Variants in SAMD4A observed in about 807,000 individuals in gnomAD.
SAMD4A encodes the protein sterile alpha motif domain containing 4A, also known as protein Smaug homolog 1.
SAMD4A carries 33 observed loss-of-function variants against 81.3 expected under a neutral mutation model. The observed-to-expected ratio is 0.41, with a 90% confidence interval of 0.31 to 0.54. The LOEUF (loss-of-function observed/expected upper bound fraction) is 0.54. SAMD4A is among the 20% of genes least tolerant of loss of function. SAMD4A has a pLI of 0.37. For synonymous variants in SAMD4A, 389 were observed against 382.1 expected, an observed-to-expected ratio of 1.02 and a Z score of -0.21; for missense variants, 854 against 951.1, an observed-to-expected ratio of 0.90 and a Z score of 1.34.
intron 4 of SAMD4A, among the ~76,000 whole-genome samples, chr14:54,748,037 C>T (rs2038009405): frequency 6.6e-6 from 1 of 152,210 alleles, no homozygotes; most frequent in African/African-American, 2.4e-5. Flanking sequence ...TTTAGAACTT[C>T]CATTATCCTA....
intron 2 of SAMD4A, among the ~76,000 whole-genome samples, chr14:54,686,365 T>A (rs535818555): frequency 1.2e-4 from 18 of 152,286 alleles, no homozygotes; most frequent in African/African-American, 4.1e-4. Flanking sequence ...CAAGTTTAAT[T>A]GTGGGTGATT....
Position 54,621,562 on chromosome 14 carries a change from A to G in SAMD4A, c.196+53450A>G, listed in dbSNP as rs565678034. Among the ~76,000 whole-genome samples the G allele has an allele frequency of 4.7e-5, 7 of 149,988 alleles. 1 individual carries two copies. The highest frequency in any genetic ancestry group is 1.7e-4 in the African/African-American group (7 of 40,652). On this transcript the variant is annotated intron_variant, in intron 2 of 12. Coordinates refer to ENST00000554335, the MANE Select transcript of SAMD4A (RefSeq NM_015589.6). ...TTTTTAGTAGAGACAGGGTCTCACC[A>G]TGTTGCCCAGGCTAGTCTCGAACTT...
chr14:54,642,158 A>G (rs2035189477), intron 2 of SAMD4A, among the ~76,000 whole-genome samples: 1 of 152,184 alleles, frequency 6.6e-6, no homozygotes, highest in Non-Finnish European at 1.5e-5. Flanking sequence ...TCTCACTAAG[A>G]TGCTTATGTC....
intron 2 of SAMD4A, among the ~76,000 whole-genome samples, chr14:54,669,117 G>A (rs1195194562): frequency 6.6e-6 from 1 of 152,218 alleles, no homozygotes; most frequent in African/African-American, 2.4e-5. Context: ...CAGCCACAGG[G>A]CTGTGGAGTC....
chr14:54,567,157 G>A lies in SAMD4A; in HGVS notation c.-603G>A, dbSNP rs1295318409. ...CCGCATTGCAAGTTTTCTGCGCGGGGAAGATCTGTTGCTGGTGCTGGCGTT... is the reference window on the plus strand; with the variant it reads ...CCGCATTGCAAGTTTTCTGCGCGGGAAAGATCTGTTGCTGGTGCTGGCGTT... On this transcript the variant is annotated 5_prime_UTR_variant, in exon 1 of 13. Coordinates refer to ENST00000554335, the MANE Select transcript of SAMD4A (RefSeq NM_015589.6). The A allele has an allele frequency of 6.6e-6, 1 of 152,322 alleles. No homozygotes were observed. Among genetic ancestry groups the A allele is most frequent in the Non-Finnish European group, 1.5e-5 (1 of 68,112 alleles). The allele number at this position is 152,322 out of a possible 1,614,324, so 9.4% of individuals were successfully genotyped here.
Position 54,751,483 on chromosome 14 carries a change from C to A in SAMD4A, c.1122C>A (p.Val374=). Residue 374 remains valine, a synonymous_variant, in exon 6 of 13, where the codon GTC becomes GTA. Coordinates refer to ENST00000554335, the MANE Select transcript of SAMD4A (RefSeq NM_015589.6). ...CCAAAGGTGCAAGACACAAAATTGT[C>A]ATCAGTATTCAGAAGCTCAAAGAAA... The part of the protein sequence containing the change: ...NVTKGARHKI[V]ISIQKLKERQ... 3 of 1,607,388 alleles carry A rather than the reference C, an allele frequency of 1.9e-6. No individual in the cohort carries two copies. Among genetic ancestry groups the A allele is most frequent in the South Asian group, 1.1e-5 (1 of 90,006 alleles).
At chr14:54,733,670 G>A (rs373825152) in intron 3 of SAMD4A, among the ~76,000 whole-genome samples, 82 of 152,230 alleles carry the variant, frequency 5.4e-4, no homozygotes, top group African/African-American at 1.9e-3. Context: ...CTTCTGGGTA[G>A]CTGAGGTCTG....
chr14:54,639,436 C>G (rs142793038), intron 2 of SAMD4A, among the ~76,000 whole-genome samples: 101 of 152,276 alleles, frequency 6.6e-4, no homozygotes, highest in Non-Finnish European at 8.2e-4. Flanking sequence ...AGAGTTCTCT[C>G]TCAACTAAGG....
chr14:54,610,130 C>A (rs1456309790), intron 2 of SAMD4A, among the ~76,000 whole-genome samples: 1 of 152,144 alleles, frequency 6.6e-6, no homozygotes, highest in East Asian at 1.9e-4. Flanking sequence ...AGAACTAGAT[C>A]ACTTTCATTC....
intron 2 of SAMD4A, among the ~76,000 whole-genome samples, chr14:54,607,982 C>T (rs775075231): frequency 1.4e-5 from 2 of 145,694 alleles, no homozygotes; most frequent in Non-Finnish European, 3.0e-5. Context: ...CACCAGTACA[C>T]TCCAGCTTGG....
At chr14:54,690,603 A>G (rs1210520966) in intron 2 of SAMD4A, among the ~76,000 whole-genome samples, 2 of 152,144 alleles carry the variant, frequency 1.3e-5, no homozygotes, top group Admixed American at 1.3e-4. Context: ...TGTGTTACAG[A>G]CACTTCTATG....
chr14:54,646,774 T>C (rs1473012997), intron 2 of SAMD4A, among the ~76,000 whole-genome samples: 1 of 152,244 alleles, frequency 6.6e-6, no homozygotes, highest in Non-Finnish European at 1.5e-5. Context: ...TTAGAACTCT[T>C]CTTCTTGTTT....
At chr14:54,633,291 CA>C (rs538432153) in intron 2 of SAMD4A, among the ~76,000 whole-genome samples, 106 of 152,264 alleles carry the variant, frequency 7.0e-4, no homozygotes, top group Non-Finnish European at 1.4e-3. Flanking sequence ...TGCTCCACAG[CA>C]GAAATGGCCC....
At chr14:54,613,048 C>T (rs573579906) in intron 2 of SAMD4A, among the ~76,000 whole-genome samples, 40 of 151,828 alleles carry the variant, frequency 2.6e-4, no homozygotes, top group African/African-American at 7.0e-4. Context: ...ACCTGGGAGG[C>T]GGAGGTTGCA....
intron 2 of SAMD4A, among the ~76,000 whole-genome samples, chr14:54,635,041 G>A (rs2034999708): frequency 6.6e-6 from 1 of 152,104 alleles, no homozygotes; most frequent in African/African-American, 2.4e-5. Context: ...TGTTTTTCAA[G>A]AACATTTGTA....
intron 2 of SAMD4A, among the ~76,000 whole-genome samples, chr14:54,582,032 CTG>C (rs2033483267): frequency 6.6e-6 from 1 of 152,158 alleles, no homozygotes. Context: ...GCAGAATGAG[CTG>C]TGTTAGCACA....
intron 2 of SAMD4A, among the ~76,000 whole-genome samples, chr14:54,578,677 A>T (rs2033378509): frequency 6.6e-6 from 1 of 152,140 alleles, no homozygotes; most frequent in Non-Finnish European, 1.5e-5. Flanking sequence ...GCACCACTGC[A>T]CTCCAGCCTG....
intron 2 of SAMD4A, among the ~76,000 whole-genome samples, chr14:54,629,115 C>A (rs1250646188): frequency 1.3e-5 from 2 of 152,022 alleles, no homozygotes; most frequent in African/African-American, 4.8e-5. Context: ...AAGAAGCCGA[C>A]AATGCCATAT....
intron 3 of SAMD4A, among the ~76,000 whole-genome samples, chr14:54,714,283 A>G (rs373549963): frequency 3.9e-4 from 60 of 152,168 alleles, no homozygotes; most frequent in African/African-American, 1.2e-3. Context: ...TCTAGATTCT[A>G]GTTTTTCTTT....
Sources: gnomAD v4.1 joint callset for allele counts (sites outside exome capture counted in the v4.1 genomes callset) on GRCh38, gnomAD v4.1.1 for gene constraint, MANE v1.5 for transcripts, NCBI Gene and HGNC (gene_info 2026-07-23, HGNC 2026-07-21) for gene names.